Variants in NPC1L1 observed in about 807,000 individuals in gnomAD.
NPC1L1 encodes the protein NPC1 like intracellular cholesterol transporter 1.
In NPC1L1, 98 loss-of-function variants were observed where a neutral mutation model predicts 117.0. The ratio of observed to expected loss-of-function variants is 0.84; its 90% confidence interval spans 0.71 to 0.99. NPC1L1 has a LOEUF of 0.99. NPC1L1 is among the 50% of genes least tolerant of loss of function. NPC1L1 has a pLI of 0.00. For synonymous variants in NPC1L1, 729 were observed against 727.6 expected (o/e 1.00, Z -0.03); for missense variants, 1,540 against 1,710.0 (o/e 0.90, Z 1.75).
At chr7:44,515,757 T>G (rs748942809) in intron 18 of NPC1L1, 46 bp downstream of exon 18, 42 of 1,612,724 alleles carry the variant, frequency 2.6e-5, no homozygotes, top group Non-Finnish European at 3.5e-5. Context: ...ACTGTTGTCG[T>G]CAGCATAATC....
rs1028977626 is a variant in NPC1L1, at chr7:44,512,771, C to G, written c.*676G>C. 2 of 155,694 alleles carry G rather than the reference C, an allele frequency of 1.3e-5. No homozygotes were observed. The highest frequency in any genetic ancestry group is 4.8e-5 in the African/African-American group (2 of 41,478). The allele number at this position is 155,694 out of a possible 1,614,324, so 9.6% of individuals were successfully genotyped here. ...GCAACAGCCTTAATAAGTATTGGAG[C>G]TGGAGACCAAACCCAACACCATTTT... On this transcript the variant is annotated 3_prime_UTR_variant, in exon 19 of 19. Transcript: ENST00000381160.
chr7:44,514,880 G>A (rs543412537), intron 18 of NPC1L1, among the ~76,000 whole-genome samples: 1 of 151,672 alleles, frequency 6.6e-6, no homozygotes, highest in South Asian at 2.1e-4. Flanking sequence ...AGGCGTGGTG[G>A]TGCGCACCTG....
chr7:44,516,230 G>C, intron 16 of NPC1L1, 33 bp from the exon 17 acceptor site: 1 of 1,554,730 alleles, frequency 6.4e-7, no homozygotes, highest in Non-Finnish European at 8.8e-7. Context: ...AGCCAAGAAA[G>C]GCAGAGGTGG....
In NPC1L1 at chr7:44,539,715, C is replaced by A; in HGVS notation, c.682G>T (p.Ala228Ser). The A allele has an allele frequency of 6.2e-7, 1 of 1,614,110 alleles. No homozygotes were observed. Among genetic ancestry groups the A allele is most frequent in the Non-Finnish European group, 8.5e-7 (1 of 1,180,036 alleles). Residue 228 changes from alanine to serine, a missense_variant, in exon 2 of 19, where the codon GCC (alanine) becomes TCC (serine). Transcript: ENST00000381160. The surrounding 1 kb of genome is among the most constrained non-coding windows in gnomAD (Gnocchi z 4.4). The stretch of plus-strand genomic sequence containing the variant: ...AGAGGCTGAATCCCACTCCCCACGG[C>A]CTGGCCAGGCTCCAAGAGGTGGAAG... ...ITFHLLEPGQ[A>S]VGSGIQPLNE...
intron 10 of NPC1L1, among the ~76,000 whole-genome samples, chr7:44,528,279 AT>A (rs1309676809): frequency 6.6e-6 from 1 of 151,936 alleles, no homozygotes; most frequent in Non-Finnish European, 1.5e-5. Context: ...TAAATTTTAA[AT>A]TTTTTCTAGA....
At position 44,536,459 on chromosome 7, in the gene NPC1L1, C is replaced by G; in HGVS notation, c.1682-31G>C. 1.2e-6 allele frequency: 2 copies of G among 1,604,042 alleles called. No individual in the cohort carries two copies. Among genetic ancestry groups the G allele is most frequent in the South Asian group, 2.2e-5 (2 of 91,066 alleles). On this transcript the variant is annotated intron_variant, in intron 3 of 18. Transcript: ENST00000381160. This position sits in a 1 kb window ranked among gnomAD's most constrained non-coding sequence, Gnocchi z 4.7. ...ATAAGAAATACTCAGACCCTTCCTG[C>G]TGCACCCGTGCCTCCCTCCCCCTCC... is the stretch of plus-strand genomic sequence containing the variant.
intron 16 of NPC1L1, 133 bp downstream of exon 16, chr7:44,516,570 C>A: frequency 1.3e-6 from 1 of 778,000 alleles, no homozygotes; most frequent in Non-Finnish European, 2.2e-6. Flanking sequence ...CATGTCACTG[C>A]CCTCAAGCCT....
intron 13 of NPC1L1, 33 bp from the exon 14 acceptor site, chr7:44,520,853 G>A (rs1042224963): frequency 2.5e-6 from 4 of 1,613,492 alleles, no homozygotes; most frequent in Admixed American, 3.3e-5. Flanking sequence ...GCTTAGCCAG[G>A]GACGAAGCTT....
At chr7:44,523,375 C>T (rs1801418028) in intron 10 of NPC1L1, among the ~76,000 whole-genome samples, 1 of 152,104 alleles carries the variant, frequency 6.6e-6, no homozygotes, top group South Asian at 2.1e-4. Flanking sequence ...GATTTTGGAA[C>T]TCTGGAGTCT....
Position 44,538,947 on chromosome 7 carries a change from C to A in NPC1L1, c.1450G>T (p.Asp484Tyr). 1.2e-6 allele frequency: 2 copies of A among 1,614,134 alleles called. No individual in the cohort carries two copies. The highest frequency in any genetic ancestry group is 1.1e-5 in the South Asian group (1 of 91,074). Residue 484 changes from aspartate to tyrosine, a missense_variant, in exon 2 of 19, where the codon GAC (aspartate) becomes TAC (tyrosine). By Grantham distance (160) the Asp-to-Tyr change is radical (BLOSUM62 -3). This residue lies in a region of NPC1L1 where 793 missense variants were observed against 820.4 expected (regional missense o/e 0.97). Coordinates refer to ENST00000381160, the MANE Select transcript of NPC1L1 (RefSeq NM_001101648.2). The surrounding 1 kb of genome is among the most constrained non-coding windows in gnomAD (Gnocchi z 5.9). ...TGCAGGAGGCTGTTGATGCAGCAGT[C>A]GTAGAGACTGGTATTGTCCGGATTG... Reference protein sequence around the residue: ...PLNPDNTSLYDCCINSLLQYF... With the variant: ...PLNPDNTSLYYCCINSLLQYF...
intron 18 of NPC1L1, among the ~76,000 whole-genome samples, chr7:44,514,753 G>A (rs1801133012): frequency 6.6e-6 from 1 of 151,916 alleles, no homozygotes; most frequent in Non-Finnish European, 1.5e-5. Context: ...TGTAATCCCA[G>A]CACTTTGGGA....
Position 44,534,740 on chromosome 7 carries a change from G to A in NPC1L1, c.1984-111C>T. 8.9e-7 allele frequency: 1 copy of A among 1,122,610 alleles called. No homozygotes were observed. 69.5% of individuals were successfully genotyped at this position (1,122,610 alleles called of 1,614,324 possible). ...CGGCAGGCACCCTCAGTGCCTGCAGGTGCCCGATACTGCCCCCAGTGGTGA... is the reference window on the plus strand; with the variant it reads ...CGGCAGGCACCCTCAGTGCCTGCAGATGCCCGATACTGCCCCCAGTGGTGA... On this transcript the variant is annotated intron_variant, in intron 5 of 18. Coordinates refer to ENST00000381160, the MANE Select transcript of NPC1L1 (RefSeq NM_001101648.2). The surrounding 1 kb of genome is among the most constrained non-coding windows in gnomAD (Gnocchi z 5.2).
intron 10 of NPC1L1, among the ~76,000 whole-genome samples, chr7:44,523,118 C>T (rs1418310052): frequency 3.3e-5 from 5 of 152,140 alleles, no homozygotes; most frequent in African/African-American, 9.7e-5. Flanking sequence ...TGCAGTGGCG[C>T]GATCTCTGCT....
Position 44,532,206 on chromosome 7 carries a change from C to T in NPC1L1, c.2421G>A (p.Leu807=). 1 of 1,613,772 alleles carries T rather than the reference C, an allele frequency of 6.2e-7. No homozygotes were observed. The highest frequency in any genetic ancestry group is 1.1e-5 in the South Asian group (1 of 91,082). ...LDSKRQEASR[L]DVCCCVKPQE... ...GGGGCTTGACACAGCAGCAGACGTC[C>T]AACCGGGAGGCCTGGAGTGGGAGGC... The change falls in exon 9 of 19, where the codon TTG becomes TTA. Residue 807 remains leucine, a synonymous_variant. Transcript: ENST00000381160.
At chr7:44,518,166 T>C (rs1398812238) in intron 14 of NPC1L1, among the ~76,000 whole-genome samples, 1 of 150,200 alleles carries the variant, frequency 6.7e-6, no homozygotes, top group African/African-American at 2.4e-5. Context: ...CAATAAAGGG[T>C]TTTTTGTTCT....
chr7:44,538,703 A>G lies in NPC1L1; in HGVS notation c.1580+114T>C. The G allele has an allele frequency of 9.4e-7, 1 of 1,062,202 alleles. No individual in the cohort carries two copies. Among genetic ancestry groups the G allele is most frequent in the Non-Finnish European group, 1.5e-6 (1 of 689,026 alleles). 65.8% of individuals were successfully genotyped at this position (1,062,202 alleles called of 1,614,324 possible). On this transcript the variant is annotated intron_variant, in intron 2 of 18. Transcript: ENST00000381160. The surrounding 1 kb of genome is among the most constrained non-coding windows in gnomAD (Gnocchi z 5.9). ...GGCCCCAGGCCAGAGCCGTAGGAAT[A>G]GCTACCTCTGGTCCTTCAGGACCAG...
In NPC1L1 at chr7:44,536,038, G is replaced by A. The variant is rs1801878905; in HGVS notation, c.1855-70C>T. 6.2e-6 allele frequency: 10 copies of A among 1,609,330 alleles called. No homozygotes were observed. Among genetic ancestry groups the A allele is most frequent in the East Asian group, 2.2e-5 (1 of 44,870 alleles). The stretch of plus-strand genomic sequence containing the variant: ...CAGCCAGGCCAGCTCTCAATAGCTC[G>A]GTCACTGGGCACTAATTGTGTGTTG... On this transcript the variant is annotated intron_variant, in intron 4 of 18. Coordinates refer to ENST00000381160, the MANE Select transcript of NPC1L1 (RefSeq NM_001101648.2). The surrounding 1 kb of genome is among the most constrained non-coding windows in gnomAD (Gnocchi z 4.7).
At position 44,515,878 on chromosome 7, in the gene NPC1L1, GGAA is replaced by G. The variant is rs759546653; in HGVS notation, c.3718_3720del (p.Phe1240del). On this transcript the variant is annotated inframe_deletion, in exon 18 of 19. Coordinates refer to ENST00000381160, the MANE Select transcript of NPC1L1 (RefSeq NM_001101648.2). Reference sequence around the variant, plus strand: ...AGCAGAGTGATCAGGAGGTTGAGGCGGAAGAAGAAGATCTGAATGAGCTGGGCC... The same window carrying G: ...AGCAGAGTGATCAGGAGGTTGAGGCGGAAGAAGATCTGAATGAGCTGGGCC... The G allele has an allele frequency of 3.1e-5, 50 of 1,614,018 alleles. No individual in the cohort carries two copies. The highest frequency in any genetic ancestry group is 4.5e-5 in the East Asian group (2 of 44,882).
rs200194172 is a variant in NPC1L1, at chr7:44,521,777, G to A, written c.2888C>T (p.Pro963Leu). 7.4e-5 allele frequency: 120 copies of A among 1,614,142 alleles called. No individual in the cohort carries two copies. Among genetic ancestry groups the A allele is most frequent in the South Asian group, 1.8e-4 (16 of 91,078 alleles). The change falls in exon 12 of 19, where the codon CCG (proline) becomes CTG (leucine). Residue 963 changes from proline to leucine, a missense_variant. Physicochemically the swap from Pro to Leu is moderately conservative, Grantham distance 98 (BLOSUM62 -3). This residue lies in a region of NPC1L1 where 742 missense variants were observed against 873.6 expected (regional missense o/e 0.85). Coordinates refer to ENST00000381160, the MANE Select transcript of NPC1L1 (RefSeq NM_001101648.2). ...WVDDFIDWLT[P>L]SSCCRLYISG... is the part of the protein sequence containing the mutation. ...TATATAAAGGCGGCAGCAGGAGGACGGGGTCAGCCAGTCAATGAAGTCATC... is the reference window on the plus strand; with the variant it reads ...TATATAAAGGCGGCAGCAGGAGGACAGGGTCAGCCAGTCAATGAAGTCATC...
Sources: gnomAD v4.1 joint callset for allele counts (sites outside exome capture counted in the v4.1 genomes callset) on GRCh38, gnomAD v4.1.1 for gene constraint, gnomAD v4.1.1 regional missense constraint, Gnocchi (gnomAD v3.1) non-coding constraint, MANE v1.5 for transcripts, NCBI Gene and HGNC (gene_info 2026-07-23, HGNC 2026-07-21) for gene names.